Variants in ANKFY1 observed in about 807,000 individuals in gnomAD.
ANKFY1 encodes the protein ankyrin repeat and FYVE domain containing 1, also known as ankyrin repeat and FYVE domain-containing protein 1.
ANKFY1 carries 47 observed loss-of-function variants against 128.3 expected under a neutral mutation model. The ratio of observed to expected loss-of-function variants is 0.37; its 90% CI spans 0.29 to 0.47. The LOEUF (loss-of-function observed/expected upper bound fraction) is 0.47. Among genes scored for constraint, ANKFY1 ranks in the 20% least tolerant of loss-of-function variants. The pLI is 1.00. For missense variants in ANKFY1, 1,222 were observed against 1,510.6 expected (o/e 0.81, Z 3.17); for synonymous variants, 553 against 601.6 (o/e 0.92, Z 1.18).
intron 10 of ANKFY1, among the ~76,000 whole-genome samples, chr17:4,191,526 C>T (rs1483747278): frequency 1.3e-5 from 2 of 149,408 alleles, no homozygotes; most frequent in Non-Finnish European, 3.0e-5. Context: ...CTGGAGACTC[C>T]TAGTTGATGG....
intron 1 of ANKFY1, among the ~76,000 whole-genome samples, chr17:4,255,158 C>G (rs1329311915): frequency 2.0e-5 from 3 of 152,126 alleles, no homozygotes; most frequent in Non-Finnish European, 2.9e-5. Flanking sequence ...ATTCACATCA[C>G]CCTGGCATTT....
chr17:4,223,185 A>C (rs1205864053), intron 3 of ANKFY1: 1 of 802,236 alleles, frequency 1.2e-6, no homozygotes, highest in Admixed American at 1.9e-5. Context: ...CGTAAGCTGC[A>C]AAGTCTTCAT....
chr17:4,263,393 C>G (rs1245027274), intron 1 of ANKFY1, among the ~76,000 whole-genome samples: 1 of 152,202 alleles, frequency 6.6e-6, no homozygotes, highest in Non-Finnish European at 1.5e-5. Context: ...GGCCTGAAGG[C>G]TGGGGTTGCA....
intron 3 of ANKFY1, among the ~76,000 whole-genome samples, chr17:4,226,612 G>A (rs140448203): frequency 1.6e-3 from 245 of 151,522 alleles, no homozygotes; most frequent in African/African-American, 5.5e-3. Flanking sequence ...GCGTGGTGGC[G>A]CATGCCTGCA....
chr17:4,187,685 C>G (rs1468683929), intron 11 of ANKFY1: 1 of 156,264 alleles, frequency 6.4e-6, no homozygotes, highest in Non-Finnish European at 1.4e-5. Context: ...TTTTGTTTTC[C>G]GAGACAAAAT....
intron 3 of ANKFY1, among the ~76,000 whole-genome samples, chr17:4,221,741 C>G (rs1277869037): frequency 1.3e-5 from 2 of 152,096 alleles, no homozygotes; most frequent in Admixed American, 6.5e-5. Context: ...CCTCAGACTC[C>G]CAAGTAGCTG....
intron 3 of ANKFY1, among the ~76,000 whole-genome samples, chr17:4,232,358 C>A (rs1028749101): frequency 1.3e-5 from 2 of 152,186 alleles, no homozygotes; most frequent in Non-Finnish European, 2.9e-5. Flanking sequence ...AGGCAATGAG[C>A]AGGACTGCTG....
chr17:4,177,219 G>A lies in ANKFY1; in HGVS notation c.2682C>T (p.His894=), dbSNP rs375684331. ...CCTGGACTCTTGAATTCACATTAGC[G>A]TGGACACTGATCAGGAACAGCACAC... ...IESVLFLISV[H]ANVNSRVQDA... is the part of the protein sequence containing the mutation. Residue 894 remains histidine (H), a synonymous_variant, in exon 19 of 25, where the codon CAC becomes CAT. Coordinates refer to ENST00000341657, the MANE Select transcript of ANKFY1 (RefSeq NM_001330063.2). The A allele has an allele frequency of 3.4e-4, 544 of 1,608,604 alleles. No homozygotes were observed. The highest frequency in any genetic ancestry group is 4.4e-4 in the Non-Finnish European group (517 of 1,177,358).
At chr17:4,210,017 T>A (rs2060097983) in intron 4 of ANKFY1, 70 bp from the exon 5 acceptor site, 2 of 1,499,432 alleles carry the variant, frequency 1.3e-6, no homozygotes, top group South Asian at 2.4e-5. Context: ...ACCAAAGCGA[T>A]CATCTTTGTA....
At chr17:4,187,984 G>C (rs1486904579) in intron 11 of ANKFY1, 1 of 152,238 alleles carries the variant, frequency 6.6e-6, no homozygotes, top group Non-Finnish European at 1.5e-5. Context: ...TTTAAGTTAG[G>C]AGATAGTAGA....
intron 2 of ANKFY1, among the ~76,000 whole-genome samples, chr17:4,242,052 GC>G (rs1967260801): frequency 6.8e-6 from 1 of 146,214 alleles, no homozygotes; most frequent in Non-Finnish European, 1.5e-5. Flanking sequence ...TCTCACCACT[GC>G]ACTCCAGCCT....
At chr17:4,217,622 C>G (rs745602894) in intron 3 of ANKFY1, among the ~76,000 whole-genome samples, 89 of 152,156 alleles carry the variant, frequency 5.8e-4, no homozygotes, top group Non-Finnish European at 8.5e-4. Flanking sequence ...GGAAATAAAC[C>G]TACTAAAGAT....
chr17:4,209,982 G>T lies in ANKFY1; in HGVS notation c.459-35C>A, dbSNP rs780907615. 1.9e-6 allele frequency: 3 copies of T among 1,582,712 alleles called. No homozygotes were observed. In the South Asian group the frequency reaches 3.4e-5, roughly 18 times the overall value. On this transcript the variant is annotated intron_variant, in intron 4 of 24. Coordinates refer to ENST00000341657, the MANE Select transcript of ANKFY1 (RefSeq NM_001330063.2). ...AGTATTCATCATGAGGAGTATTACT[G>T]GACAAATAATTCACAAACGAACAAA...
intron 3 of ANKFY1, among the ~76,000 whole-genome samples, chr17:4,232,715 C>A (rs2060533920): frequency 6.6e-6 from 1 of 152,152 alleles, no homozygotes; most frequent in Admixed American, 6.5e-5. Context: ...TGTGGCCAGA[C>A]AGCACTGAAT....
chr17:4,227,907 T>G (rs889725553), intron 3 of ANKFY1, among the ~76,000 whole-genome samples: 2 of 152,152 alleles, frequency 1.3e-5, no homozygotes, highest in Admixed American at 1.3e-4. Context: ...AGCTCTCATA[T>G]CCACGGCTAA....
At chr17:4,223,954 T>C (rs2060374323) in intron 3 of ANKFY1, 2 of 555,476 alleles carry the variant, frequency 3.6e-6, no homozygotes, top group South Asian at 5.5e-5. Flanking sequence ...TGCTTTAGAA[T>C]CTGAACTTTT....
intron 14 of ANKFY1, among the ~76,000 whole-genome samples, chr17:4,182,942 C>T (rs1043755426): frequency 6.6e-6 from 1 of 152,024 alleles, no homozygotes; most frequent in Non-Finnish European, 1.5e-5. Flanking sequence ...CCCGTCTCTA[C>T]TAAAAGTACA....
At chr17:4,198,902 C>T (rs144952866) in intron 7 of ANKFY1, among the ~76,000 whole-genome samples, 89 of 152,220 alleles carry the variant, frequency 5.8e-4, no homozygotes, top group African/African-American at 1.9e-3. Context: ...CAAATTAAGA[C>T]TGAATAACAT....
At chr17:4,197,251 T>C in intron 8 of ANKFY1, 122 bp downstream of exon 8, 1 of 1,028,158 alleles carries the variant, frequency 9.7e-7, no homozygotes, top group Non-Finnish European at 1.5e-6. Context: ...GTGACTTTAA[T>C]GAAAATAAGA....
Sources: allele counts gnomAD v4.1 joint callset (sites outside exome capture counted in the v4.1 genomes callset), GRCh38; gene constraint gnomAD v4.1.1; transcripts MANE v1.5; gene names NCBI Gene and HGNC (gene_info 2026-07-23, HGNC 2026-07-21).